Variants in IGF1R observed in about 807,000 individuals in gnomAD.
IGF1R encodes insulin like growth factor 1 receptor, also known as insulin-like growth factor 1 receptor.
In IGF1R, 44 loss-of-function variants were observed where a neutral mutation model predicts 144.6. The ratio of observed to expected loss-of-function variants is 0.30; its 90% CI spans 0.24 to 0.39. The LOEUF (loss-of-function observed/expected upper bound fraction) is 0.39. Among genes scored for constraint, IGF1R ranks in the 10% least tolerant of loss-of-function variants. IGF1R has a pLI of 1.00. For synonymous variants in IGF1R, 795 were observed against 722.8 expected (o/e 1.10, Z -1.60); for missense variants, 1,355 against 1,833.7 (o/e 0.74, Z 4.77).
At chr15:98,689,867 A>G (rs889796704) in intron 1 of IGF1R, among the ~76,000 whole-genome samples, 6 of 152,278 alleles carry the variant, frequency 3.9e-5, no homozygotes, top group African/African-American at 1.4e-4. Flanking sequence ...TTGCTCCCTC[A>G]CACTGTCCTC....
At chr15:98,954,613 C>T (rs1245017830) in intron 20 of IGF1R, among the ~76,000 whole-genome samples, 1 of 152,198 alleles carries the variant, frequency 6.6e-6, no homozygotes, top group African/African-American at 2.4e-5. Flanking sequence ...GTGCTGATGT[C>T]ACTGCCTCGC....
intron 2 of IGF1R, among the ~76,000 whole-genome samples, chr15:98,812,106 C>T (rs548727283): frequency 2.0e-5 from 3 of 152,300 alleles, no homozygotes; most frequent in East Asian, 1.9e-4. Context: ...GAAACCACAT[C>T]GTTGAGATTT....
At chr15:98,919,132 G>A (rs1296445701) in intron 10 of IGF1R, among the ~76,000 whole-genome samples, 1 of 152,216 alleles carries the variant, frequency 6.6e-6, no homozygotes, top group Non-Finnish European at 1.5e-5. Flanking sequence ...ATGAGGTTTG[G>A]TGACTTCTCT....
intron 1 of IGF1R, among the ~76,000 whole-genome samples, chr15:98,692,848 A>G (rs2053509173): frequency 6.6e-6 from 1 of 152,084 alleles, no homozygotes; most frequent in African/African-American, 2.4e-5. Context: ...AGTAGGGAGG[A>G]TATAGACGTA....
At chr15:98,880,146 A>G (rs958946954) in intron 2 of IGF1R, among the ~76,000 whole-genome samples, 4 of 152,182 alleles carry the variant, frequency 2.6e-5, no homozygotes, top group Non-Finnish European at 4.4e-5. Flanking sequence ...CAATAAAGCT[A>G]TTGTAAAAAA....
At chr15:98,836,067 G>C (rs1282768322) in intron 2 of IGF1R, among the ~76,000 whole-genome samples, 1 of 152,136 alleles carries the variant, frequency 6.6e-6, no homozygotes, top group African/African-American at 2.4e-5. Context: ...TGTAATATCA[G>C]TGGTAGCGAC....
chr15:98,869,727 A>G (rs1206673464), intron 2 of IGF1R, among the ~76,000 whole-genome samples: 1 of 151,764 alleles, frequency 6.6e-6, no homozygotes, highest in Admixed American at 6.6e-5. Flanking sequence ...GAACCACCGC[A>G]CTCCCTTGAG....
chr15:98,924,744 A>C, intron 13 of IGF1R, 60 bp downstream of exon 13: 1 of 1,452,066 alleles, frequency 6.9e-7, no homozygotes, highest in East Asian at 2.3e-5. Context: ...GTCCAGGATC[A>C]GGACAGCCCG....
chr15:98,651,068 G>A lies in IGF1R; in HGVS notation c.94+1393G>A, dbSNP rs181489715. 3 of 985,406 alleles carry A rather than the reference G, an allele frequency of 3.0e-6. No homozygotes were observed. The Admixed American group carries it at 1.8e-4, about 60-fold the overall frequency. The allele number at this position is 985,406 out of a possible 1,614,324, so 61.0% of individuals were successfully genotyped here. A position where few individuals can be genotyped will look rare whatever the true frequency, so the allele number is the denominator to read the frequency against. On this transcript the variant is annotated intron_variant, in intron 1 of 20. Coordinates refer to ENST00000650285, the MANE Select transcript of IGF1R (RefSeq NM_000875.5). ...TGTCGCAGAACTGGGACTGGGAACG[G>A]TGAGGGCGTGTTGGTGAGTAATGGT...
chr15:98,664,290 A>G (rs1422886725), intron 1 of IGF1R, among the ~76,000 whole-genome samples: 1 of 152,176 alleles, frequency 6.6e-6, no homozygotes, highest in Non-Finnish European at 1.5e-5. Flanking sequence ...TTGGAGAATT[A>G]GAAGTCTACT....
chr15:98,801,789 G>A (rs1292347179), intron 2 of IGF1R, among the ~76,000 whole-genome samples: 1 of 152,158 alleles, frequency 6.6e-6, no homozygotes, highest in Non-Finnish European at 1.5e-5. Flanking sequence ...GACCACACTG[G>A]GTTTTCACTG....
intron 1 of IGF1R, among the ~76,000 whole-genome samples, chr15:98,703,593 C>CT (rs1254552027): frequency 5.9e-5 from 9 of 152,298 alleles, no homozygotes; most frequent in African/African-American, 1.9e-4. Flanking sequence ...CTTCTTCCTA[C>CT]TTTTTTTCTC....
intron 19 of IGF1R, among the ~76,000 whole-genome samples, chr15:98,946,650 G>A (rs2016565054): frequency 6.6e-6 from 1 of 152,234 alleles, no homozygotes; most frequent in Admixed American, 6.5e-5. Flanking sequence ...ATGGGCATCA[G>A]CTGCAGGGAA....
chr15:98,828,774 G>GTTTTT (rs200266374), intron 2 of IGF1R, among the ~76,000 whole-genome samples: 3 of 123,984 alleles, frequency 2.4e-5, no homozygotes, highest in African/African-American at 9.1e-5. Context: ...GCTGAGCATG[G>GTTTTT]TTTTTTTTTT....
intron 2 of IGF1R, among the ~76,000 whole-genome samples, chr15:98,802,601 G>C (rs1275112095): frequency 6.6e-6 from 1 of 152,214 alleles, no homozygotes; most frequent in African/African-American, 2.4e-5. Context: ...TTGCTTGTAT[G>C]CACGAATTCA....
chr15:98,840,894 T>C (rs2011162675), intron 2 of IGF1R, among the ~76,000 whole-genome samples: 1 of 152,170 alleles, frequency 6.6e-6, no homozygotes, highest in Non-Finnish European at 1.5e-5. Context: ...TTGGCCAGGC[T>C]GGTCTCAAAC....
intron 2 of IGF1R, among the ~76,000 whole-genome samples, chr15:98,762,036 G>A (rs2055312296): frequency 6.6e-6 from 1 of 152,130 alleles, no homozygotes; most frequent in African/African-American, 2.4e-5. Flanking sequence ...TTTGTTCCCT[G>A]TTTGGGGGCC....
chr15:98,775,089 A>T (rs2055679303), intron 2 of IGF1R, among the ~76,000 whole-genome samples: 1 of 152,136 alleles, frequency 6.6e-6, no homozygotes, highest in Non-Finnish European at 1.5e-5. Context: ...CTTAGAGGGA[A>T]AATAGGTTAT....
At chr15:98,674,643 T>G (rs1251124193) in intron 1 of IGF1R, among the ~76,000 whole-genome samples, 1 of 152,190 alleles carries the variant, frequency 6.6e-6, no homozygotes, top group Non-Finnish European at 1.5e-5. Context: ...ACAAGTATTA[T>G]GTGTATTGCT....
Sources: gnomAD v4.1 joint callset for allele counts (sites outside exome capture counted in the v4.1 genomes callset) on GRCh38, gnomAD v4.1.1 for gene constraint, MANE v1.5 for transcripts, NCBI Gene and HGNC (gene_info 2026-07-23, HGNC 2026-07-21) for gene names.